Variants in ABTB3 observed in about 807,000 individuals in gnomAD.
The protein encoded by ABTB3 is ankyrin repeat and BTB domain containing 3, also known as ankyrin repeat- and BTB/POZ domain-containing protein 3.
chr12:107,406,242 G>A, the ABTB3 span, among the ~76,000 whole-genome samples: 6 of 152,316 alleles, frequency 3.9e-5, no homozygotes, highest in East Asian at 1.2e-3. Flanking sequence ...CATAAATGGA[G>A]CTGGCTACTT....
the ABTB3 span, among the ~76,000 whole-genome samples, chr12:107,404,179 A>AG: frequency 8.9e-3 from 1,266 of 142,590 alleles, 43 homozygotes; most frequent in African/African-American, 0.031. Context: ...AAAAAAAAAA[A>AG]AAAAAAAAGG....
At chr12:107,615,721 T>C in the ABTB3 span, among the ~76,000 whole-genome samples, 1 of 152,232 alleles carries the variant, frequency 6.6e-6, no homozygotes, top group Non-Finnish European at 1.5e-5. Context: ...CATGTCCTCA[T>C]TGGAGGTCCT....
At chr12:107,379,399 T>A in the ABTB3 span, among the ~76,000 whole-genome samples, 1 of 152,100 alleles carries the variant, frequency 6.6e-6, no homozygotes. Context: ...GTTCTTGTGA[T>A]AGAGAAGAAG....
the ABTB3 span, among the ~76,000 whole-genome samples, chr12:107,428,843 C>T: frequency 6.6e-6 from 1 of 152,262 alleles, no homozygotes; most frequent in Non-Finnish European, 1.5e-5. Context: ...GCCAGCAGCA[C>T]TCGTCATGTC....
At chr12:107,459,548 T>C in the ABTB3 span, among the ~76,000 whole-genome samples, 2 of 152,138 alleles carry the variant, frequency 1.3e-5, no homozygotes, top group Admixed American at 1.3e-4. Context: ...TGATCAGAGA[T>C]GGCCTTGAAG....
At chr12:107,581,630 T>C in the ABTB3 span, among the ~76,000 whole-genome samples, 4 of 152,188 alleles carry the variant, frequency 2.6e-5, no homozygotes, top group African/African-American at 9.6e-5. Flanking sequence ...AATCCGGTCT[T>C]CCTGTAGTTT....
At chr12:107,362,828 A>G in the ABTB3 span, among the ~76,000 whole-genome samples, 14 of 152,102 alleles carry the variant, frequency 9.2e-5, no homozygotes, top group Non-Finnish European at 1.9e-4. Flanking sequence ...ACTGAGCACT[A>G]CGCTAGACAT....
chr12:107,503,426 G>A, the ABTB3 span, among the ~76,000 whole-genome samples: 1 of 151,846 alleles, frequency 6.6e-6, no homozygotes, highest in Admixed American at 6.6e-5. Flanking sequence ...TGCCCTCCAG[G>A]GTCAGCAAGG....
chr12:107,428,596 T>G, the ABTB3 span, among the ~76,000 whole-genome samples: 2 of 152,206 alleles, frequency 1.3e-5, no homozygotes, highest in Non-Finnish European at 2.9e-5. Context: ...CCAATACTGA[T>G]AGTGGTAACC....
chr12:107,622,430 C>T, the ABTB3 span, among the ~76,000 whole-genome samples: 1 of 152,178 alleles, frequency 6.6e-6, no homozygotes, highest in East Asian at 1.9e-4. Context: ...CAGCATTGTT[C>T]CTTCTCCCTG....
chr12:107,566,098 A>G, the ABTB3 span, among the ~76,000 whole-genome samples: 2 of 152,218 alleles, frequency 1.3e-5, no homozygotes, highest in Non-Finnish European at 2.9e-5. Context: ...TAGAGGTCCC[A>G]TAAATCTGCT....
the ABTB3 span, among the ~76,000 whole-genome samples, chr12:107,519,192 C>T: frequency 3.6e-4 from 55 of 152,314 alleles, no homozygotes; most frequent in Middle Eastern, 3.4e-3. Context: ...AGCTGCAGGC[C>T]GGTTCTGGAT....
the ABTB3 span, among the ~76,000 whole-genome samples, chr12:107,498,108 T>C: frequency 6.6e-6 from 1 of 152,220 alleles, no homozygotes; most frequent in African/African-American, 2.4e-5. Flanking sequence ...ACAGCATTTC[T>C]GAAAATAAAA....
the ABTB3 span, among the ~76,000 whole-genome samples, chr12:107,322,506 G>C: frequency 3.9e-5 from 6 of 152,166 alleles, no homozygotes; most frequent in East Asian, 1.2e-3. Flanking sequence ...TGATCTGCAA[G>C]CCTTATTAAG....
At chr12:107,502,756 A>G in the ABTB3 span, among the ~76,000 whole-genome samples, 6 of 152,080 alleles carry the variant, frequency 3.9e-5, no homozygotes, top group Non-Finnish European at 8.8e-5. Flanking sequence ...CCTACTAGGA[A>G]GTGTGCACGC....
the ABTB3 span, among the ~76,000 whole-genome samples, chr12:107,515,317 T>C: frequency 6.6e-6 from 1 of 152,308 alleles, no homozygotes; most frequent in Non-Finnish European, 1.5e-5. Flanking sequence ...CCGTTGAGAA[T>C]ATGTGAGTCA....
the ABTB3 span, among the ~76,000 whole-genome samples, chr12:107,341,790 T>A: frequency 6.6e-6 from 1 of 152,160 alleles, no homozygotes; most frequent in Non-Finnish European, 1.5e-5. Context: ...CCTGTTGGTT[T>A]GGCACTGTCT....
the ABTB3 span, among the ~76,000 whole-genome samples, chr12:107,631,982 C>T: frequency 6.6e-6 from 1 of 152,224 alleles, no homozygotes; most frequent in Non-Finnish European, 1.5e-5. Flanking sequence ...GTTGCACCTC[C>T]CCCTGACCAT....
At chr12:107,454,385 C>A in the ABTB3 span, among the ~76,000 whole-genome samples, 3 of 152,236 alleles carry the variant, frequency 2.0e-5, no homozygotes, top group African/African-American at 7.2e-5. Context: ...GCACAGCTTG[C>A]ATGGCCATGA....
Sources: allele counts gnomAD v4.1 joint callset (sites outside exome capture counted in the v4.1 genomes callset), GRCh38; gene constraint gnomAD v4.1.1; transcripts MANE v1.5; gene names NCBI Gene and HGNC (gene_info 2026-07-23, HGNC 2026-07-21).